Variants in KMT2C observed in about 807,000 individuals in gnomAD.
The protein encoded by KMT2C is histone-lysine N-methyltransferase 2C.
Under a neutral mutation model 507.9 loss-of-function variants are expected in KMT2C, and 88 were observed. That is an observed-to-expected ratio of 0.17 (90% CI 0.15 to 0.21). The LOEUF (loss-of-function observed/expected upper bound fraction) is 0.21. KMT2C is among the 10% of genes least tolerant of loss of function. The pLI, the probability that KMT2C is intolerant of heterozygous loss-of-function variation, is 1.00. For missense variants in KMT2C, 4,954 were observed against 5,957.8 expected (o/e 0.83, Z 5.55); for synonymous variants, 2,049 against 2,080.8 (o/e 0.98, Z 0.42).
intron 1 of KMT2C, 68 bp from the exon 2 acceptor site, chr7:152,358,743 T>A (rs2129231682): frequency 9.9e-7 from 1 of 1,011,390 alleles, no homozygotes. Flanking sequence ...TAGACTTATA[T>A]TCAACATAAG....
intron 38 of KMT2C, among the ~76,000 whole-genome samples, chr7:152,175,323 T>C (rs944164631): frequency 1.2e-4 from 18 of 151,136 alleles, no homozygotes; most frequent in African/African-American, 4.4e-4. Context: ...TTTTTTGTTA[T>C]TTTTTTTTAA....
chr7:152,315,283 C>T lies in KMT2C; in HGVS notation c.445G>A (p.Asp149Asn). ...GGCGTTATTCTGAATTGTTTTAAGT[C>T]TCCTTGTCCTAAGGAACTTTTTTCC... is the stretch of plus-strand genomic sequence containing the variant. ...CGEKSSLGQG[D>N]LKQFRITPGF... The change falls in exon 4 of 59, where the codon GAC becomes AAC. Residue 149 changes from aspartate to asparagine, a missense_variant. Coordinates refer to ENST00000262189, the MANE Select transcript of KMT2C (RefSeq NM_170606.3). 1 of 1,613,972 alleles carries T rather than the reference C, an allele frequency of 6.2e-7. No individual in the cohort carries two copies. The highest frequency in any genetic ancestry group is 8.5e-7 in the Non-Finnish European group (1 of 1,179,930).
chr7:152,211,439 C>T (rs1288850199), intron 23 of KMT2C, among the ~76,000 whole-genome samples: 1 of 152,074 alleles, frequency 6.6e-6, no homozygotes, highest in African/African-American at 2.4e-5. Flanking sequence ...CAGGAGAGAA[C>T]AGAAGATGAT....
chr7:152,187,578 T>C, intron 32 of KMT2C, 102 bp from the exon 33 acceptor site: 2 of 1,414,176 alleles, frequency 1.4e-6, no homozygotes, highest in Non-Finnish European at 9.7e-7. Context: ...CAGTTAAAAG[T>C]AACATATTTA....
At chr7:152,369,433 A>G (rs1223040816) in intron 1 of KMT2C, among the ~76,000 whole-genome samples, 1 of 152,224 alleles carries the variant, frequency 6.6e-6, no homozygotes, top group Non-Finnish European at 1.5e-5. Context: ...GTAAAGATCA[A>G]TAAAATTGAC....
Position 152,249,115 on chromosome 7 carries a change from C to A in KMT2C, c.1814-495G>T, listed in dbSNP as rs2095521586. Among the ~76,000 whole-genome samples the A allele has an allele frequency of 2.6e-5, 4 of 152,054 alleles. No homozygotes were observed. The South Asian group carries it at 8.3e-4, about 32-fold the overall frequency. On this transcript the variant is annotated intron_variant, in intron 13 of 58. Coordinates refer to ENST00000262189, the MANE Select transcript of KMT2C (RefSeq NM_170606.3). ...CCCAAAATATTCTTTGGATATAATC[C>A]TTGTTCTTCATCACTGTCTATAAAT...
chr7:152,432,283 T>C (rs1394231593), intron 1 of KMT2C, among the ~76,000 whole-genome samples: 1 of 152,204 alleles, frequency 6.6e-6, no homozygotes, highest in African/African-American at 2.4e-5. Context: ...TAGAGTAGAA[T>C]GTTTCTTTGG....
chr7:152,149,581 T>G (rs1452133849), intron 51 of KMT2C, among the ~76,000 whole-genome samples: 1 of 152,236 alleles, frequency 6.6e-6, no homozygotes, highest in Non-Finnish European at 1.5e-5. Context: ...CATCGTTTCT[T>G]GAGAGCTTAT....
Position 152,164,536 on chromosome 7 carries a change from G to A in KMT2C, c.9751-710C>T, listed in dbSNP as rs1026981062. On this transcript the variant is annotated intron_variant, in intron 42 of 58. Transcript: ENST00000262189. ...GATCTCCTGACCTCGTGATCCGCCC[G>A]CCTCGGCCTCCCAAAGTGCTGGGAT... 9.2e-5 allele frequency among the ~76,000 whole-genome samples: 14 copies of A among 151,922 alleles called. No individual in the cohort carries two copies. The East Asian group carries it at 9.7e-4, about 10-fold the overall frequency.
chr7:152,255,157 A>ATATGTGTG (rs767823858), intron 9 of KMT2C, among the ~76,000 whole-genome samples: 2 of 128,372 alleles, frequency 1.6e-5, no homozygotes, highest in African/African-American at 6.1e-5. Flanking sequence ...ATATATATAT[A>ATATGTGTG]TGTGTGTGTG....
intron 31 of KMT2C, among the ~76,000 whole-genome samples, chr7:152,191,328 C>T (rs2129127183): frequency 6.6e-6 from 1 of 152,292 alleles, no homozygotes; most frequent in South Asian, 2.1e-4. Flanking sequence ...CACACTAAGT[C>T]TTCCTCTGTT....
At chr7:152,146,848 G>C in intron 52 of KMT2C, 113 bp from the exon 53 acceptor site, 1 of 928,304 alleles carries the variant, frequency 1.1e-6, no homozygotes, top group Non-Finnish European at 1.6e-6. Flanking sequence ...AATAAATCCT[G>C]TTGGGCAATA....
intron 44 of KMT2C, chr7:152,157,744 T>C (rs757914127): frequency 4.1e-6 from 5 of 1,208,346 alleles, no homozygotes; most frequent in Non-Finnish European, 5.2e-6. Context: ...AGACAACACC[T>C]TGGCAGAGAA....
At chr7:152,297,051 A>AAGAAAGAAAGAAAGAAAGAC (rs1356233143) in intron 6 of KMT2C, among the ~76,000 whole-genome samples, 848 of 59,846 alleles carry the variant, frequency 0.014, 6 homozygotes, top group Non-Finnish European at 0.017. Flanking sequence ...GAAAGAAAGA[A>AAGAAAGAAAGAAAGAAAGAC]AGACAGAGAG....
chr7:152,320,219 A>G lies in KMT2C; in HGVS notation c.390-4881T>C, dbSNP rs185552879. ...ATATTCCAAAATCCAAAAAAAATCC[A>G]AAATCCAAAACACATCTGGTCCCAA... On this transcript the variant is annotated intron_variant, in intron 3 of 58. Coordinates refer to ENST00000262189, the MANE Select transcript of KMT2C (RefSeq NM_170606.3). 7.0e-4 allele frequency among the ~76,000 whole-genome samples: 106 copies of G among 152,222 alleles called. 1 individual carries two copies. Among genetic ancestry groups the G allele is most frequent in the African/African-American group, 2.3e-3 (96 of 41,540 alleles).
Position 152,230,305 on chromosome 7 carries a change from A to G in KMT2C, c.2786T>C (p.Ile929Thr). 1.9e-6 allele frequency: 3 copies of G among 1,575,838 alleles called. No homozygotes were observed. Among genetic ancestry groups the G allele is most frequent in the South Asian group, 2.3e-5 (2 of 88,120 alleles). The change falls in exon 17 of 59, where the codon ATT (isoleucine) becomes ACT (threonine). Residue 929 changes from isoleucine (I) to threonine (T), a missense_variant. Transcript: ENST00000262189. ...TTCTTCATCATCCTTATTTGATGAA[A>G]TATCTGCAGTAGACACCTATAAAAA... is the stretch of plus-strand genomic sequence containing the variant. ...VVLPGVSTAD[I>T]SSNKDDEENS...
At chr7:152,367,325 C>A in intron 1 of KMT2C, 2 of 927,552 alleles carry the variant, frequency 2.2e-6, no homozygotes, top group South Asian at 1.4e-5. Context: ...TGACCTGCAC[C>A]TTCGCAGAAG....
chr7:152,250,982 T>C lies in KMT2C; in HGVS notation c.1622-16A>G. 7.2e-7 allele frequency: 1 copy of C among 1,379,624 alleles called. No homozygotes were observed. The highest frequency in any genetic ancestry group is 1.0e-6 in the Non-Finnish European group (1 of 968,662). 85.5% of individuals were successfully genotyped at this position (1,379,624 alleles called of 1,614,324 possible). On this transcript the variant is annotated splice_polypyrimidine_tract_variant and intron_variant, in intron 11 of 58. Transcript: ENST00000262189. ...TTGTTATAATCTTAACAAAAAATTA[T>C]TAATTCTTTAGCTCAGAATGAGTTT...
At chr7:152,347,651 T>C (rs2097072478) in intron 2 of KMT2C, among the ~76,000 whole-genome samples, 1 of 152,218 alleles carries the variant, frequency 6.6e-6, no homozygotes, top group South Asian at 2.1e-4. Context: ...TTTCTCTCAA[T>C]TGCCAATGGT....
Sources: allele counts gnomAD v4.1 joint callset (sites outside exome capture counted in the v4.1 genomes callset), GRCh38; gene constraint gnomAD v4.1.1; transcripts MANE v1.5; gene names NCBI Gene and HGNC (gene_info 2026-07-23, HGNC 2026-07-21).